RUNX1: variants seen among roughly 807,000 people sequenced by gnomAD.
RUNX1 encodes the protein RUNX family transcription factor 1, also known as runt-related transcription factor 1.
Under a neutral mutation model 42.8 loss-of-function variants are expected in RUNX1, and 19 were observed. The ratio of observed to expected loss-of-function variants is 0.44; its 90% CI spans 0.31 to 0.65. The LOEUF is 0.65. Among genes scored for constraint, RUNX1 ranks in the 30% least tolerant of loss-of-function variants. The pLI is 0.07. For missense variants in RUNX1, 528 were observed against 672.0 expected, an observed-to-expected ratio of 0.79 and a Z score of 2.37; for synonymous variants, 271 against 289.4, an observed-to-expected ratio of 0.94 and a Z score of 0.64.
At chr21:35,014,267 T>C (rs1415857369) in intron 2 of RUNX1, among the ~76,000 whole-genome samples, 2 of 152,228 alleles carry the variant, frequency 1.3e-5, no homozygotes, top group African/African-American at 4.8e-5. Flanking sequence ...GGGTCCAGTT[T>C]TCATGTTGCG....
rs375486621 is a variant in RUNX1, at chr21:35,002,458, C to T, written c.58+46384G>A. On this transcript the variant is annotated intron_variant, in intron 2 of 8. Transcript: ENST00000675419. ...ATTTATTTATTTAGAGATGGTATCT[C>T]GCTCTGTCACCCAGGCTGGAGTGCA... Among the ~76,000 whole-genome samples, 20 of 151,366 alleles carry T rather than the reference C, an allele frequency of 1.3e-4. No individual in the cohort carries two copies. The East Asian group carries it at 2.5e-3, about 19-fold the overall frequency.
intron 2 of RUNX1, among the ~76,000 whole-genome samples, chr21:34,945,400 T>C (rs917978244): frequency 7.2e-5 from 11 of 152,214 alleles, no homozygotes; most frequent in African/African-American, 2.2e-4. Flanking sequence ...CCTAGTTTCT[T>C]TGAGAGTACA....
At chr21:34,855,294 C>G (rs1277168957) in intron 6 of RUNX1, among the ~76,000 whole-genome samples, 2 of 152,156 alleles carry the variant, frequency 1.3e-5, no homozygotes, top group Admixed American at 1.3e-4. Flanking sequence ...AATGAAATCT[C>G]TGTAGAGAAG....
At chr21:34,912,681 T>A (rs368310058) in intron 2 of RUNX1, among the ~76,000 whole-genome samples, 2 of 152,194 alleles carry the variant, frequency 1.3e-5, no homozygotes, top group East Asian at 3.8e-4. Context: ...GCCTTCCTAG[T>A]CTTTGAGATG....
intron 2 of RUNX1, among the ~76,000 whole-genome samples, chr21:34,913,297 G>A (rs1022358651): frequency 2.0e-5 from 3 of 152,112 alleles, no homozygotes; most frequent in Admixed American, 6.5e-5. Context: ...AGGGAGCAGT[G>A]GCTTTGCGTA....
intron 4 of RUNX1, among the ~76,000 whole-genome samples, chr21:34,885,513 TAG>T (rs1178924779): frequency 6.6e-6 from 1 of 152,230 alleles, no homozygotes; most frequent in Non-Finnish European, 1.5e-5. Context: ...AAACTGCTTT[TAG>T]AAAAGTGAGT....
Position 34,885,753 on chromosome 21 carries a change from T to TG in RUNX1, c.351+1089_351+1090insC, listed in dbSNP as rs376686352. On this transcript the variant is annotated intron_variant, in intron 4 of 8. Coordinates refer to ENST00000675419, the MANE Select transcript of RUNX1 (RefSeq NM_001754.5). ...TTTAAAGGGGACAATTATTTAAACT[T>TG]TTTTTTTAGTAGCTTATCTTTACAC... Among the ~76,000 whole-genome samples, 75 of 152,186 alleles carry TG rather than the reference T, an allele frequency of 4.9e-4. No homozygotes were observed. In the South Asian group the frequency reaches 7.9e-3, roughly 16 times the overall value.
rs74479396 is a variant in RUNX1 at position 35,013,836 on chromosome 21, C to T, written c.58+35006G>A. Among the ~76,000 whole-genome samples, 459 of 152,260 alleles carry T rather than the reference C, an allele frequency of 3.0e-3. 1 individual carries two copies. Among genetic ancestry groups the T allele is most frequent in the African/African-American group, 0.011 (439 of 41,546 alleles). On this transcript the variant is annotated intron_variant, in intron 2 of 8. Transcript: ENST00000675419. ...CATTAGAAACAATCTAAATTATCAA[C>T]AATTTAAGGCCATTTAAGTAAACTA...
At chr21:34,934,130 C>CAA (rs1200049017) in intron 2 of RUNX1, among the ~76,000 whole-genome samples, 2 of 152,140 alleles carry the variant, frequency 1.3e-5, no homozygotes, top group Non-Finnish European at 2.9e-5. Context: ...CCTGAGAGAG[C>CAA]AAAGGCTTAG....
At chr21:34,884,010 G>A (rs985590608) in intron 4 of RUNX1, among the ~76,000 whole-genome samples, 12 of 152,182 alleles carry the variant, frequency 7.9e-5, no homozygotes, top group Non-Finnish European at 1.5e-5. Context: ...CCTGCTGAAG[G>A]CACGTTTACG....
At chr21:34,808,441 A>T (rs918547863) in intron 7 of RUNX1, among the ~76,000 whole-genome samples, 1 of 152,118 alleles carries the variant, frequency 6.6e-6, no homozygotes, top group Non-Finnish European at 1.5e-5. Flanking sequence ...ACCCGTATTC[A>T]TCACCTCGCC....
At chr21:34,893,713 A>ATTTCAAATGCTGCAGACCTAAAGC (rs1320561680) in intron 2 of RUNX1, among the ~76,000 whole-genome samples, 5 of 151,976 alleles carry the variant, frequency 3.3e-5, no homozygotes, top group Admixed American at 6.5e-5. Context: ...GGATTTGAGC[A>ATTTCAAATGCTGCAGACCTAAAGC]TTTCAAATGC....
At chr21:35,011,769 A>G (rs2059128426) in intron 2 of RUNX1, among the ~76,000 whole-genome samples, 1 of 152,230 alleles carries the variant, frequency 6.6e-6, no homozygotes, top group African/African-American at 2.4e-5. Context: ...TTTAAAGTAT[A>G]GTAAGATTTA....
chr21:34,948,473 C>T (rs1189515080), intron 2 of RUNX1, among the ~76,000 whole-genome samples: 1 of 152,172 alleles, frequency 6.6e-6, no homozygotes, highest in Non-Finnish European at 1.5e-5. Flanking sequence ...CAGAAGAGGT[C>T]CAAGGTGCTT....
chr21:34,887,255 G>A, intron 3 of RUNX1, 159 bp from the exon 4 acceptor site: 1 of 1,332,724 alleles, frequency 7.5e-7, no homozygotes, highest in Non-Finnish European at 9.8e-7. Context: ...GGGGGGGCGG[G>A]GGTGGTTAGG....
intron 2 of RUNX1, among the ~76,000 whole-genome samples, chr21:34,968,157 C>T (rs1457348402): frequency 1.3e-5 from 2 of 152,220 alleles, no homozygotes; most frequent in Non-Finnish European, 2.9e-5. Context: ...ATCTGTGTGT[C>T]TATGTCTGAG....
intron 7 of RUNX1, chr21:34,821,731 G>A (rs573060245): frequency 9.7e-6 from 15 of 1,539,254 alleles, no homozygotes; most frequent in Middle Eastern, 1.7e-4. Context: ...GAGAAAGTTC[G>A]AAAATAAGGA....
At chr21:35,004,309 T>C (rs2059067759) in intron 2 of RUNX1, among the ~76,000 whole-genome samples, 1 of 152,226 alleles carries the variant, frequency 6.6e-6, no homozygotes, top group Non-Finnish European at 1.5e-5. Context: ...TTGTATCAAA[T>C]AATTCTAGAA....
chr21:35,005,660 G>A (rs529734349), intron 2 of RUNX1, among the ~76,000 whole-genome samples: 34 of 152,226 alleles, frequency 2.2e-4, no homozygotes, highest in African/African-American at 7.0e-4. Context: ...CTGCTGGACC[G>A]ACCCTGATAT....
Sources: gnomAD v4.1 joint callset for allele counts (sites outside exome capture counted in the v4.1 genomes callset) on GRCh38, gnomAD v4.1.1 for gene constraint, MANE v1.5 for transcripts, NCBI Gene and HGNC (gene_info 2026-07-23, HGNC 2026-07-21) for gene names.